NCKAP1: variants seen among roughly 807,000 people sequenced by gnomAD.
NCKAP1 encodes NCK associated protein 1, also known as nck-associated protein 1.
NCKAP1 carries 21 observed loss-of-function variants against 151.2 expected under a neutral mutation model. The observed-to-expected ratio is 0.14, with a 90% CI of 0.10 to 0.20. The LOEUF is 0.20. Among genes scored for constraint, NCKAP1 ranks in the 10% least tolerant of loss-of-function variants. NCKAP1 has a pLI of 1.00. For synonymous variants in NCKAP1, 484 were observed against 451.8 expected (o/e 1.07, Z -0.90); for missense variants, 933 against 1,352.1 (o/e 0.69, Z 4.86).
chr2:182,959,688 TGCC>T (rs1697401376), intron 18 of NCKAP1, among the ~76,000 whole-genome samples: 1 of 152,198 alleles, frequency 6.6e-6, no homozygotes, highest in African/African-American at 2.4e-5. Context: ...AAGACAGGGA[TGCC>T]CTCTCTCACC....
At chr2:183,018,336 C>T (rs1698734284) in intron 2 of NCKAP1, among the ~76,000 whole-genome samples, 1 of 152,174 alleles carries the variant, frequency 6.6e-6, no homozygotes, top group African/African-American at 2.4e-5. Flanking sequence ...AAGACCAGAA[C>T]TCAAATTCTG....
In NCKAP1 at chr2:182,918,900, CTG is replaced by C. The variant is rs1696507539; in HGVS notation, c.*6800_*6801del. 1 of 152,192 alleles carries C rather than the reference CTG, an allele frequency of 6.6e-6. No homozygotes were observed. Among genetic ancestry groups the C allele is most frequent in the Non-Finnish European group, 1.5e-5 (1 of 68,030 alleles). The allele number at this position is 152,192 out of a possible 1,614,324, so 9.4% of individuals were successfully genotyped here. A position where few individuals can be genotyped will look rare whatever the true frequency, so the allele number is the denominator to read the frequency against. ...AAGTCCACACTCACATTTGAGAGAT[CTG>C]AGACACAGTTTAATGAGAAGAACAC... On this transcript the variant is annotated 3_prime_UTR_variant, in exon 31 of 31. Coordinates refer to ENST00000361354, the MANE Select transcript of NCKAP1 (RefSeq NM_013436.5).
At chr2:182,971,393 C>CAAAAAAA (rs1190689259) in intron 15 of NCKAP1, among the ~76,000 whole-genome samples, 2 of 68,964 alleles carry the variant, frequency 2.9e-5, no homozygotes, top group African/African-American at 5.2e-5. Flanking sequence ...GACTCCGTCT[C>CAAAAAAA]AAAAAAAAAA....
At position 182,941,617 on chromosome 2, in the gene NCKAP1, T is replaced by C. The variant is rs1314504177; in HGVS notation, c.2695+453A>G. 4.6e-5 allele frequency among the ~76,000 whole-genome samples: 7 copies of C among 152,190 alleles called. 1 individual carries two copies. The highest frequency in any genetic ancestry group is 2.0e-4 in the Admixed American group (3 of 15,278). ...TTCAAACTGATGGAACTGTTCTATA[T>C]CTAGACTGTGGCAATGGTTATATGA... On this transcript the variant is annotated intron_variant, in intron 24 of 30. Coordinates refer to ENST00000361354, the MANE Select transcript of NCKAP1 (RefSeq NM_013436.5).
intron 2 of NCKAP1, among the ~76,000 whole-genome samples, chr2:183,020,490 G>GA (rs895668148): frequency 7.4e-6 from 1 of 135,404 alleles, no homozygotes; most frequent in African/African-American, 2.9e-5. Flanking sequence ...AGAAAAAAAA[G>GA]AAAAAAAAAT....
intron 17 of NCKAP1, among the ~76,000 whole-genome samples, chr2:182,963,810 T>A (rs569566333): frequency 4.6e-5 from 7 of 152,212 alleles, no homozygotes; most frequent in Admixed American, 4.6e-4. Flanking sequence ...ATAAATCTAT[T>A]AAAATTCGTG....
intron 2 of NCKAP1, among the ~76,000 whole-genome samples, chr2:183,019,552 A>G (rs1698757254): frequency 6.6e-6 from 1 of 152,344 alleles, no homozygotes; most frequent in South Asian, 2.1e-4. Flanking sequence ...TACGAGAAAC[A>G]AATTTCATTT....
chr2:182,957,635 TTACTCTGA>T, intron 18 of NCKAP1, 39 bp from the exon 19 acceptor site: 1 of 1,597,252 alleles, frequency 6.3e-7, no homozygotes, highest in Non-Finnish European at 8.5e-7. Flanking sequence ...ATTACACCAA[TTACTCTGA>T]AAGCATACTA....
chr2:182,916,935 T>C lies in NCKAP1; in HGVS notation c.*8767A>G, dbSNP rs1284895714. The C allele has an allele frequency of 6.6e-6, 1 of 152,180 alleles. No homozygotes were observed. The highest frequency in any genetic ancestry group is 1.5e-5 in the Non-Finnish European group (1 of 68,044). The allele number at this position is 152,180 out of a possible 1,614,324, so 9.4% of individuals were successfully genotyped here. ...ATAGAATAGACTAACACACAAATGT[T>C]ACATTTGCATGAGTGGAAGTTCTGA... On this transcript the variant is annotated 3_prime_UTR_variant, in exon 31 of 31. Coordinates refer to ENST00000361354, the MANE Select transcript of NCKAP1 (RefSeq NM_013436.5).
rs959903846 is a variant in NCKAP1, at chr2:182,919,116, T to C, written c.*6586A>G. The stretch of plus-strand genomic sequence containing the variant: ...GAATTAGAGAAAACAGAGTATCTGG[T>C]ACACAATGGGCTTTCAATAAACATT... On this transcript the variant is annotated 3_prime_UTR_variant, in exon 31 of 31. Transcript: ENST00000361354. 1 of 152,234 alleles carries C rather than the reference T, an allele frequency of 6.6e-6. No individual in the cohort carries two copies. The highest frequency in any genetic ancestry group is 1.5e-5 in the Non-Finnish European group (1 of 68,042). The allele number at this position is 152,234 out of a possible 1,614,324, so 9.4% of individuals were successfully genotyped here. A position where few individuals can be genotyped will look rare whatever the true frequency, so the allele number is the denominator to read the frequency against.
At chr2:182,940,248 A>C (rs1696968261) in intron 24 of NCKAP1, among the ~76,000 whole-genome samples, 1 of 152,174 alleles carries the variant, frequency 6.6e-6, no homozygotes, top group Admixed American at 6.5e-5. Flanking sequence ...AAAACTAATA[A>C]GAATAAAGGA....
At chr2:183,001,499 T>C (rs1460143482) in intron 6 of NCKAP1, among the ~76,000 whole-genome samples, 1 of 152,226 alleles carries the variant, frequency 6.6e-6, no homozygotes, top group Non-Finnish European at 1.5e-5. Context: ...TCAAACACTG[T>C]ACTTTTTAAT....
chr2:182,930,782 T>C lies in NCKAP1; in HGVS notation c.2866A>G (p.Met956Val), dbSNP rs746746395. 17 of 1,612,218 alleles carry C rather than the reference T, an allele frequency of 1.1e-5. No individual in the cohort carries two copies. The highest frequency in any genetic ancestry group is 2.2e-5 in the South Asian group (2 of 90,976). The change falls in exon 27 of 31, where the codon ATG becomes GTG. Residue 956 changes from methionine to valine, a missense_variant. Transcript: ENST00000361354. ...IPRETDMKVAMNVYELSSAAG... is the reference protein window; with the variant it reads ...IPRETDMKVAVNVYELSSAAG... ...GCTGATGATAACTCATACACATTCATTGCAACCTGATAAAAACAAAAGAAT... is the reference window on the plus strand; with the variant it reads ...GCTGATGATAACTCATACACATTCACTGCAACCTGATAAAAACAAAAGAAT...
intron 25 of NCKAP1, 127 bp downstream of exon 25, chr2:182,935,166 G>T (rs1417369102): frequency 2.8e-6 from 2 of 716,440 alleles, no homozygotes; most frequent in Non-Finnish European, 4.5e-6. Context: ...GTTATTTTCT[G>T]TAACTACTAA....
intron 6 of NCKAP1, among the ~76,000 whole-genome samples, chr2:182,997,117 T>G (rs1252917407): frequency 6.6e-6 from 1 of 152,174 alleles, no homozygotes; most frequent in Non-Finnish European, 1.5e-5. Context: ...TTAATTGTGG[T>G]TATTTGCATC....
chr2:183,020,329 T>C (rs1405772486), intron 2 of NCKAP1, among the ~76,000 whole-genome samples: 2 of 150,886 alleles, frequency 1.3e-5, no homozygotes, highest in African/African-American at 4.9e-5. Flanking sequence ...CCAGGTGTGG[T>C]GGTTGTGCCC....
intron 23 of NCKAP1, among the ~76,000 whole-genome samples, chr2:182,942,727 A>G (rs1260095296): frequency 2.0e-5 from 3 of 152,126 alleles, no homozygotes; most frequent in Non-Finnish European, 2.9e-5. Flanking sequence ...AGAAAAGGGA[A>G]GAGAAAAGAA....
intron 23 of NCKAP1, chr2:182,947,116 T>G (rs1697124335): frequency 6.6e-6 from 1 of 152,300 alleles, no homozygotes; most frequent in Non-Finnish European, 1.5e-5. Flanking sequence ...ATCTGAAGCC[T>G]AGGATGAGGA....
chr2:183,013,484 T>C (rs1015759856), intron 2 of NCKAP1, among the ~76,000 whole-genome samples: 2 of 152,200 alleles, frequency 1.3e-5, no homozygotes, highest in African/African-American at 2.4e-5. Flanking sequence ...GCAAATACTA[T>C]AGGTTCTGTC....
Sources: gnomAD v4.1 joint callset for allele counts (sites outside exome capture counted in the v4.1 genomes callset) on GRCh38, gnomAD v4.1.1 for gene constraint, MANE v1.5 for transcripts, NCBI Gene and HGNC (gene_info 2026-07-23, HGNC 2026-07-21) for gene names.